The following PKD1L3 variants were observed in gnomAD, a reference collection of about 807,000 sequenced individuals.
The protein encoded by PKD1L3 is polycystin 1 like 3, transient receptor potential channel interacting.
A neutral mutation model predicts 184.1 loss-of-function variants in PKD1L3; 239 were observed. The ratio of observed to expected loss-of-function variants is 1.30; its 90% CI spans 1.17 to 1.45. PKD1L3 has a LOEUF of 1.45. PKD1L3 is among the 40% of genes most tolerant of loss of function. The pLI is 0.00. For missense variants in PKD1L3, 2,660 were observed against 2,067.2 expected, an observed-to-expected ratio of 1.29 and a Z score of -5.56; for synonymous variants, 996 against 778.8, an observed-to-expected ratio of 1.28 and a Z score of -4.64.
intron 28 of PKD1L3, among the ~76,000 whole-genome samples, chr16:71,932,779 CCTTTTTT>C (rs1411849897): frequency 7.5e-5 from 9 of 119,322 alleles, no homozygotes; most frequent in Non-Finnish European, 6.8e-5. Context: ...CCGCACCTGG[CCTTTTTT>C]TTTTTTTTTT....
intron 15 of PKD1L3, among the ~76,000 whole-genome samples, chr16:71,966,049 T>A (rs950961702): frequency 6.6e-6 from 1 of 152,032 alleles, no homozygotes; most frequent in African/African-American, 2.4e-5. Context: ...AAGGAAGTTA[T>A]TAGGCTCTAC....
chr16:71,978,469 G>GTA (rs201075633), intron 9 of PKD1L3, 86 bp from the exon 10 acceptor site: 62,169 of 479,276 alleles, frequency 0.13, 5,680 homozygotes, highest in South Asian at 0.21. Flanking sequence ...ATATACATAT[G>GTA]TATATATGTG....
chr16:71,946,651 G>A (rs1270157345), intron 22 of PKD1L3, among the ~76,000 whole-genome samples: 4 of 150,618 alleles, frequency 2.7e-5, no homozygotes, highest in Non-Finnish European at 4.4e-5. Context: ...TATGTACTCC[G>A]ACTTTTTCAG....
intron 16 of PKD1L3, among the ~76,000 whole-genome samples, chr16:71,962,655 T>G (rs1213892247): frequency 6.6e-6 from 1 of 151,856 alleles, no homozygotes; most frequent in Non-Finnish European, 1.5e-5. Context: ...CCTGGCTAAT[T>G]TTTGTATTTT....
intron 9 of PKD1L3, 81 bp downstream of exon 9, chr16:71,979,705 A>G: frequency 7.0e-7 from 1 of 1,423,126 alleles, no homozygotes; most frequent in Non-Finnish European, 9.3e-7. Flanking sequence ...TTTACATTTC[A>G]TGATACATTA....
At chr16:71,995,777 G>A (rs536039445) in intron 2 of PKD1L3, among the ~76,000 whole-genome samples, 1 of 152,160 alleles carries the variant, frequency 6.6e-6, no homozygotes, top group South Asian at 2.1e-4. Context: ...GTCAAGGGTA[G>A]ATGTATATGT....
In PKD1L3 at chr16:71,979,865, G is replaced by C. The variant is rs1161398639; in HGVS notation, c.1319C>G (p.Pro440Arg). 10 of 1,538,546 alleles carry C rather than the reference G, an allele frequency of 6.5e-6. No homozygotes were observed. The highest frequency in any genetic ancestry group is 5.6e-5 in the African/African-American group (4 of 72,024). The change falls in exon 9 of 30, where the codon CCA (proline) becomes CGA (arginine). Residue 440 changes from proline (P) to arginine (R), a missense_variant. Pro to Arg is a moderately radical substitution (Grantham distance 103). Coordinates refer to ENST00000620267, the MANE Select transcript of PKD1L3 (RefSeq NM_181536.2). ...LPLSSYTLGHPAPVRLGFPSA... is the reference protein window; with the variant it reads ...LPLSSYTLGHRAPVRLGFPSA... ...CGGAAAGCCTAGCCTCACAGGGGCTGGGTGACCCAGAGTGTAAGAGCTCAG... is the reference window on the plus strand; with the variant it reads ...CGGAAAGCCTAGCCTCACAGGGGCTCGGTGACCCAGAGTGTAAGAGCTCAG...
At chr16:71,930,719 G>A (rs1237498450) in intron 28 of PKD1L3, 3 of 151,476 alleles carry the variant, frequency 2.0e-5, no homozygotes, top group Non-Finnish European at 4.4e-5. Context: ...TTACTTTTCT[G>A]CATACATAAA....
intron 21 of PKD1L3, 77 bp downstream of exon 21, chr16:71,949,706 C>T: frequency 7.8e-7 from 1 of 1,284,494 alleles, no homozygotes; most frequent in Non-Finnish European, 1.1e-6. Flanking sequence ...AACCACTAGG[C>T]ACCTTGGATT....
rs1037420045 is a variant in PKD1L3, at chr16:71,936,648, C to T, written c.4452+644G>A. The stretch of plus-strand genomic sequence containing the variant: ...GATTACAGGCATATGCCACCACGCC[C>T]GGCTAAATTTGTATTTTTAGTAGAG... On this transcript the variant is annotated intron_variant, in intron 25 of 29. Coordinates refer to ENST00000620267, the MANE Select transcript of PKD1L3 (RefSeq NM_181536.2). 1.3e-4 allele frequency among the ~76,000 whole-genome samples: 20 copies of T among 151,092 alleles called. 1 individual carries two copies. The highest frequency in any genetic ancestry group is 2.1e-4 in the South Asian group (1 of 4,782).
At chr16:71,987,223 G>A (rs554159124) in intron 4 of PKD1L3, among the ~76,000 whole-genome samples, 1 of 147,646 alleles carries the variant, frequency 6.8e-6, no homozygotes, top group Admixed American at 6.8e-5. Flanking sequence ...GCACCCGGCT[G>A]AGGAGAGGAT....
intron 12 of PKD1L3, among the ~76,000 whole-genome samples, chr16:71,971,790 T>C (rs560412370): frequency 1.3e-5 from 2 of 152,352 alleles, no homozygotes; most frequent in South Asian, 4.1e-4. Flanking sequence ...ATGGTGCAGA[T>C]GCCTTCCTAA....
At chr16:71,943,537 CAAAAAA>C (rs10693124) in intron 23 of PKD1L3, among the ~76,000 whole-genome samples, 3 of 84,544 alleles carry the variant, frequency 3.5e-5, no homozygotes, top group Non-Finnish European at 2.2e-5. Context: ...GACTCCGTCT[CAAAAAA>C]AAAAAAAAAA....
rs375137726 is a variant in PKD1L3 at position 71,986,297 on chromosome 16, G to C, written c.758C>G (p.Ser253Ter). Reference protein sequence around the residue: ...HAGQSLAETTSSPKEEGHPNT... With the variant: ...HAGQSLAETT ...CGGATGACCTTCTTCCTTTGGGCTT[G>C]AAGTTGTTTCTGCCAGAGATTGCCC... Residue 253 changes from serine to a stop codon, truncating the protein, a stop_gained, in exon 5 of 30, where the codon TCA becomes TGA. Coordinates refer to ENST00000620267, the MANE Select transcript of PKD1L3 (RefSeq NM_181536.2). LOFTEE classifies it high-confidence loss of function. 3.2e-6 allele frequency: 5 copies of C among 1,552,066 alleles called. No individual in the cohort carries two copies. In the African/African-American group the frequency reaches 5.5e-5, roughly 17 times the overall value.
intron 12 of PKD1L3, among the ~76,000 whole-genome samples, chr16:71,971,500 A>T (rs903698773): frequency 1.3e-5 from 2 of 152,126 alleles, no homozygotes; most frequent in African/African-American, 4.8e-5. Context: ...TATTTGGGGC[A>T]GCTCAATTCC....
intron 21 of PKD1L3, among the ~76,000 whole-genome samples, chr16:71,947,918 C>CT (rs1491408095): frequency 1.3e-5 from 1 of 79,494 alleles, no homozygotes; most frequent in Non-Finnish European, 2.7e-5. Flanking sequence ...AAGATCCAGA[C>CT]TCTTTTTTTT....
chr16:71,929,987 G>T, intron 29 of PKD1L3, 65 bp downstream of exon 29: 1 of 1,462,744 alleles, frequency 6.8e-7, no homozygotes, highest in Non-Finnish European at 9.2e-7. Flanking sequence ...GTCATCTTAG[G>T]GGCAGTTACA....
chr16:71,977,985 G>T (rs2039995511), intron 10 of PKD1L3, among the ~76,000 whole-genome samples: 1 of 151,972 alleles, frequency 6.6e-6, no homozygotes, highest in Non-Finnish European at 1.5e-5. Flanking sequence ...TGTTGGCCAG[G>T]CTGGTCTCGA....
Position 71,998,405 on chromosome 16 carries a change from A to C in PKD1L3, c.296-11T>G. ...TGGCTGCAACGTCTGCTGAGGGGAGATCAGACGCAGATGAGCCTCATACTC... is the reference window on the plus strand; with the variant it reads ...TGGCTGCAACGTCTGCTGAGGGGAGCTCAGACGCAGATGAGCCTCATACTC... On this transcript the variant is annotated splice_polypyrimidine_tract_variant and intron_variant, in intron 1 of 29. Transcript: ENST00000620267. The C allele has an allele frequency of 6.5e-7, 1 of 1,543,442 alleles. No homozygotes were observed. Among genetic ancestry groups the C allele is most frequent in the Non-Finnish European group, 8.7e-7 (1 of 1,145,470 alleles).
Sources: gnomAD v4.1 joint callset for allele counts (sites outside exome capture counted in the v4.1 genomes callset) on GRCh38, gnomAD v4.1.1 for gene constraint, MANE v1.5 for transcripts, NCBI Gene and HGNC (gene_info 2026-07-23, HGNC 2026-07-21) for gene names.